Variants in CERS1 observed in about 807,000 individuals in gnomAD.
The protein encoded by CERS1 is Embryonic growth/differentiation factor 1.
CERS1 carries 16 observed loss-of-function variants against 35.7 expected under a neutral mutation model. That is an observed-to-expected ratio of 0.45 (90% CI 0.30 to 0.68). The LOEUF (loss-of-function observed/expected upper bound fraction) is 0.68, where lower values mean the gene tolerates loss of function less well. Ranked by LOEUF, CERS1 falls within the 30% of genes least tolerant of loss-of-function variation. The pLI is 0.08. For missense variants in CERS1, 454 were observed against 453.9 expected (o/e 1.00, Z 0.00); for synonymous variants, 243 against 201.6 (o/e 1.21, Z -1.74).
chr19:18,890,735 C>G (rs946336514), intron 2 of CERS1, among the ~76,000 whole-genome samples: 1 of 145,216 alleles, frequency 6.9e-6, no homozygotes. Flanking sequence ...GAGCTGTGAT[C>G]GTGCCACTGT....
chr19:18,869,978 C>T lies in CERS1; in HGVS notation c.*594+5G>A. 6.3e-7 allele frequency: 1 copy of T among 1,583,946 alleles called. No individual in the cohort carries two copies. Among genetic ancestry groups the T allele is most frequent in the Non-Finnish European group, 8.6e-7 (1 of 1,166,764 alleles). Reference sequence around the variant, plus strand: ...ACCAGTGTCCCCAGCGAAAGCCCCACTCACCGCGGTCCGGGATGTGGCGCA... The same window carrying T: ...ACCAGTGTCCCCAGCGAAAGCCCCATTCACCGCGGTCCGGGATGTGGCGCA... On this transcript the variant is annotated splice_donor_5th_base_variant and intron_variant, in intron 7 of 7. Transcript: ENST00000623882.
intron 4 of CERS1, among the ~76,000 whole-genome samples, chr19:18,879,659 C>T (rs1400179034): frequency 1.3e-5 from 2 of 149,028 alleles, no homozygotes; most frequent in Non-Finnish European, 3.0e-5. Context: ...TTCCCAGTCC[C>T]TCCCCTTCTC....
intron 1 of CERS1, among the ~76,000 whole-genome samples, chr19:18,893,780 G>A (rs1054154372): frequency 2.6e-5 from 4 of 152,044 alleles, no homozygotes; most frequent in East Asian, 1.9e-4. Context: ...TCCGGCCGCC[G>A]CGGTGCTGGG....
intron 6 of CERS1, among the ~76,000 whole-genome samples, chr19:18,872,288 AG>A (rs1438544971): frequency 6.6e-6 from 1 of 152,164 alleles, no homozygotes; most frequent in Non-Finnish European, 1.5e-5. Context: ...TTGCCTTTTG[AG>A]GTGTGGGTGG....
upstream of CERS1, chr19:18,896,474 C>T (rs1187746674): frequency 6.6e-6 from 1 of 152,320 alleles, no homozygotes; most frequent in Non-Finnish European, 1.5e-5. The surrounding 1 kb of genome is among the most constrained non-coding windows in gnomAD (Gnocchi z 5.9). Context: ...AGCAGGCAGT[C>T]CCCTCGACTG....
intron 2 of CERS1, among the ~76,000 whole-genome samples, chr19:18,888,787 G>A (rs2056422945): frequency 6.6e-6 from 1 of 150,918 alleles, no homozygotes; most frequent in Non-Finnish European, 1.5e-5. Flanking sequence ...CCAAGATCGT[G>A]GCATTGTACT....
At chr19:18,877,756 C>CAA (rs386388683) in intron 6 of CERS1, among the ~76,000 whole-genome samples, 52,246 of 103,570 alleles carry the variant, frequency 0.5, 13,782 homozygotes, top group African/African-American at 0.61. Flanking sequence ...GACCCTGTCT[C>CAA]AAAAAAAAAA....
chr19:18,880,171 A>T, intron 4 of CERS1, 103 bp downstream of exon 4: 1 of 1,181,790 alleles, frequency 8.5e-7, no homozygotes, highest in Non-Finnish European at 1.1e-6. Context: ...CACCCACCTC[A>T]CCGGGCCCCG....
At chr19:18,873,509 C>CTGTGT (rs1035771141) in intron 6 of CERS1, among the ~76,000 whole-genome samples, 2 of 151,770 alleles carry the variant, frequency 1.3e-5, no homozygotes, top group Non-Finnish European at 2.9e-5. Flanking sequence ...TCAGCCTGGG[C>CTGTGT]AACACAGTGA....
intron 2 of CERS1, among the ~76,000 whole-genome samples, chr19:18,886,989 C>A (rs1601179839): frequency 6.6e-6 from 1 of 152,222 alleles, no homozygotes; most frequent in African/African-American, 2.4e-5. Context: ...CAAACGGTCA[C>A]CATGACCCAG....
rs573559104 is a variant in CERS1, at chr19:18,869,117, C to T, written c.*868G>A. 24 of 1,087,302 alleles carry T rather than the reference C, an allele frequency of 2.2e-5. No individual in the cohort carries two copies. The Admixed American group carries it at 1.1e-3, about 51-fold the overall frequency. The allele number at this position is 1,087,302 out of a possible 1,614,324, so 67.4% of individuals were successfully genotyped here. ...TGAGGCGTTGCGAGCCCAAGCGGCG[C>T]CCAGCAGCTCCGCGCGCACTGGCGG... On this transcript the variant is annotated 3_prime_UTR_variant, in exon 8 of 8. Coordinates refer to ENST00000623882, the MANE Select transcript of CERS1 (RefSeq NM_021267.5).
Position 18,882,868 on chromosome 19 carries a change from T to A in CERS1, c.590+1219A>T, listed in dbSNP as rs186779707. On this transcript the variant is annotated intron_variant, in intron 3 of 7. Transcript: ENST00000623882. ...CCACCACGCCCAGCTAATTTTTGTA[T>A]TTTTAGTAGAGACACGGTTTCACTG... is the stretch of plus-strand genomic sequence containing the variant. Among the ~76,000 whole-genome samples the A allele has an allele frequency of 3.1e-3, 464 of 151,780 alleles. 4 individuals are homozygous for A. Among genetic ancestry groups the A allele is most frequent in the African/African-American group, 0.011 (448 of 41,432 alleles).
At chr19:18,880,635 C>T (rs1446359669) in intron 3 of CERS1, among the ~76,000 whole-genome samples, 200 bp from the exon 4 acceptor site, 1 of 152,004 alleles carries the variant, frequency 6.6e-6, no homozygotes, top group Non-Finnish European at 1.5e-5. Flanking sequence ...CTTAGCCGTG[C>T]ACCCCCAACC....
chr19:18,874,503 G>A (rs572995644), intron 6 of CERS1, among the ~76,000 whole-genome samples: 85 of 152,316 alleles, frequency 5.6e-4, no homozygotes, highest in African/African-American at 2.0e-3. Flanking sequence ...GCAGTGGCAG[G>A]TGCAGCAGAG....
chr19:18,885,375 C>T (rs1200782981), intron 2 of CERS1, among the ~76,000 whole-genome samples: 2 of 140,454 alleles, frequency 1.4e-5, no homozygotes, highest in Non-Finnish European at 3.2e-5. Flanking sequence ...TAATTTATTT[C>T]TTTTTTAATT....
intron 1 of CERS1, among the ~76,000 whole-genome samples, chr19:18,894,677 G>T (rs1350937273): frequency 6.6e-6 from 1 of 152,148 alleles, no homozygotes. Context: ...GCGGACCCAG[G>T]GAGGGGCCCT....
In CERS1 at chr19:18,870,713, G is replaced by T. The variant is rs1249477656; in HGVS notation, c.1011-94C>A. ...CTTCTCTGGCCGTTTCACACCCCCT[G>T]GCTCCTTTTACCCGGCCAGGCCCGG... On this transcript the variant is annotated intron_variant, in intron 6 of 7. Transcript: ENST00000623882. The surrounding 1 kb of genome is among the most constrained non-coding windows in gnomAD (Gnocchi z 5.1). 7 of 481,734 alleles carry T rather than the reference G, an allele frequency of 1.5e-5. No homozygotes were observed. The highest frequency in any genetic ancestry group is 7.5e-6 in the Non-Finnish European group (2 of 265,892). 29.8% of individuals were successfully genotyped at this position (481,734 alleles called of 1,614,324 possible).
chr19:18,895,149 G>C lies in CERS1; in HGVS notation c.249+675C>G, dbSNP rs868753528. On this transcript the variant is annotated intron_variant, in intron 1 of 7. Coordinates refer to ENST00000623882, the MANE Select transcript of CERS1 (RefSeq NM_021267.5). The surrounding 1 kb of genome is among the most constrained non-coding windows in gnomAD (Gnocchi z 6.4). The stretch of plus-strand genomic sequence containing the variant: ...GTCACCTCCAAGGGAGCGACCACTG[G>C]CGTGGCCAGAGCACCCAGGCCCTTG... Among the ~76,000 whole-genome samples the C allele has an allele frequency of 6.6e-6, 1 of 152,240 alleles. No homozygotes were observed. The highest frequency in any genetic ancestry group is 2.4e-5 in the African/African-American group (1 of 41,466).
Position 18,870,049 on chromosome 19 carries a change from G to A in CERS1, c.*528C>T. ...AGCTCCTCCACGTGGCACGGTTGCA[G>A]GGTGACCCCTGGGGACGTCCGCCGC... On this transcript the variant is annotated 3_prime_UTR_variant, in exon 7 of 8. Coordinates refer to ENST00000623882, the MANE Select transcript of CERS1 (RefSeq NM_021267.5). This position sits in a 1 kb window ranked among gnomAD's most constrained non-coding sequence, Gnocchi z 5.1. The A allele has an allele frequency of 6.3e-7, 1 of 1,593,796 alleles. No homozygotes were observed. The highest frequency in any genetic ancestry group is 1.1e-5 in the South Asian group (1 of 88,586).
Sources: gnomAD v4.1 joint callset for allele counts (sites outside exome capture counted in the v4.1 genomes callset) on GRCh38, gnomAD v4.1.1 for gene constraint, Gnocchi (gnomAD v3.1) non-coding constraint, MANE v1.5 for transcripts, NCBI Gene and HGNC (gene_info 2026-07-23, HGNC 2026-07-21) for gene names.